Variants in RASD2 observed in about 807,000 individuals in gnomAD.
RASD2 encodes the protein RASD family member 2, also known as GTP-binding protein Rhes.
RASD2 carries 7 observed loss-of-function variants against 15.8 expected under a neutral mutation model. The observed-to-expected ratio is 0.44, with a 90% CI of 0.25 to 0.83. RASD2 has a LOEUF of 0.83. Among genes scored for constraint, RASD2 ranks in the 40% least tolerant of loss-of-function variants. RASD2 has a pLI of 0.20. For synonymous variants in RASD2, 155 were observed against 153.6 expected (o/e 1.01, Z -0.07); for missense variants, 274 against 382.8 (o/e 0.72, Z 2.37).
At chr22:35,543,696 C>T (rs930170184) in intron 1 of RASD2, among the ~76,000 whole-genome samples, 4 of 152,208 alleles carry the variant, frequency 2.6e-5, no homozygotes, top group African/African-American at 9.6e-5. Context: ...TGTGAAGAAT[C>T]AGTCTTCTCT....
intron 2 of RASD2, among the ~76,000 whole-genome samples, chr22:35,549,618 A>C (rs1372105060): frequency 6.6e-6 from 1 of 152,132 alleles, no homozygotes; most frequent in Non-Finnish European, 1.5e-5. Flanking sequence ...AAGAGCCCAC[A>C]CTGCAGTTCC....
chr22:35,537,877 A>G (rs1934265437), upstream of RASD2, among the ~76,000 whole-genome samples: 3 of 150,516 alleles, frequency 2.0e-5, no homozygotes, highest in African/African-American at 7.5e-5. Flanking sequence ...AGTGCAGGGC[A>G]TGGTGGGAAT....
At chr22:35,544,793 T>C (rs1435829801) in intron 1 of RASD2, among the ~76,000 whole-genome samples, 1 of 152,194 alleles carries the variant, frequency 6.6e-6, no homozygotes, top group Non-Finnish European at 1.5e-5. Flanking sequence ...ATTTAACCTC[T>C]CTGTGCCTCA....
At chr22:35,548,953 C>A (rs867946459) in intron 2 of RASD2, among the ~76,000 whole-genome samples, 2 of 152,328 alleles carry the variant, frequency 1.3e-5, no homozygotes, top group Middle Eastern at 3.4e-3. Flanking sequence ...TCAGCTCCCC[C>A]AGCCTTGGGG....
rs141040934 is a variant in RASD2, at chr22:35,545,056, C to A, written c.-9-1745C>A. 2.6e-4 allele frequency among the ~76,000 whole-genome samples: 40 copies of A among 152,294 alleles called. 1 individual carries two copies. Among genetic ancestry groups the A allele is most frequent in the Middle Eastern group, 3.4e-3 (1 of 294 alleles). ...GCTGAGCTGGCTTATTGTGCACGTC[C>A]CTTTGTGATTCATTCATCGAAGTCA... On this transcript the variant is annotated intron_variant, in intron 1 of 2. Coordinates refer to ENST00000216127, the MANE Select transcript of RASD2 (RefSeq NM_014310.4).
chr22:35,545,604 G>A (rs1034192015), intron 1 of RASD2, among the ~76,000 whole-genome samples: 3 of 152,108 alleles, frequency 2.0e-5, no homozygotes, highest in Non-Finnish European at 2.9e-5. Context: ...GCAGTTCAGG[G>A]GCTGGAAAGC....
chr22:35,533,867 G>GATGATAGTGATGAT, the RASD2 span, among the ~76,000 whole-genome samples: 1 of 125,772 alleles, frequency 8.0e-6, no homozygotes, highest in Non-Finnish European at 1.7e-5. Flanking sequence ...CAGTGATGAT[G>GATGATAGTGATGAT]GTGATGGTGA....
chr22:35,552,384 C>A lies in RASD2; in HGVS notation c.*352C>A. 3.5e-6 allele frequency: 1 copy of A among 284,046 alleles called. No homozygotes were observed. 17.6% of individuals were successfully genotyped at this position (284,046 alleles called of 1,614,324 possible). ...CTGCGTCATATGGAGCCTCCTGGGA[C>A]AAGCCTCAGGATGAAAAGGACACAG... On this transcript the variant is annotated 3_prime_UTR_variant, in exon 3 of 3. Coordinates refer to ENST00000216127, the MANE Select transcript of RASD2 (RefSeq NM_014310.4).
At chr22:35,544,558 AT>A (rs1934446069) in intron 1 of RASD2, among the ~76,000 whole-genome samples, 1 of 152,208 alleles carries the variant, frequency 6.6e-6, no homozygotes, top group Non-Finnish European at 1.5e-5. Context: ...CAGACCCTTT[AT>A]TGAGCCCCTG....
Position 35,541,064 on chromosome 22 carries a change from A to AC in RASD2, c.-439dup, listed in dbSNP as rs1034379292. On this transcript the variant is annotated 5_prime_UTR_variant, in exon 1 of 3. Transcript: ENST00000216127. ...ACGCACCCACAGTCACCTCCAAAGG[A>AC]CCCCCCCTCCCCAAGTCTCTAGGAG... 12 of 149,360 alleles carry AC rather than the reference A, an allele frequency of 8.0e-5. No individual in the cohort carries two copies. Among genetic ancestry groups the AC allele is most frequent in the South Asian group, 4.3e-4 (2 of 4,654 alleles). The allele number at this position is 149,360 out of a possible 1,614,324, so 9.3% of individuals were successfully genotyped here. A position where few individuals can be genotyped will look rare whatever the true frequency, so the allele number is the denominator to read the frequency against.
intron 1 of RASD2, among the ~76,000 whole-genome samples, chr22:35,546,133 C>T (rs1032731664): frequency 3.9e-5 from 6 of 152,110 alleles, no homozygotes; most frequent in South Asian, 2.1e-4. Context: ...GGTCATGGAG[C>T]GGAGGGAGCC....
intron 1 of RASD2, among the ~76,000 whole-genome samples, chr22:35,543,972 C>G (rs1330050556): frequency 6.6e-6 from 1 of 151,218 alleles, no homozygotes; most frequent in Non-Finnish European, 1.5e-5. Context: ...GATTCCCTGC[C>G]TCTTTGACCC....
chr22:35,549,267 T>C (rs537710257), intron 2 of RASD2, among the ~76,000 whole-genome samples: 2 of 152,366 alleles, frequency 1.3e-5, no homozygotes, highest in East Asian at 3.9e-4. Context: ...TATTTTTGTC[T>C]GTCTCTTTTT....
chr22:35,551,772 G>A lies in RASD2; in HGVS notation c.541G>A (p.Glu181Lys), dbSNP rs1032458591. ...GGCCAAGAAGAACACCAACGTGGAC[G>A]AGATGTTCTACGTGCTCTTCAGCAT... is the stretch of plus-strand genomic sequence containing the variant. ...VSAKKNTNVD[E>K]MFYVLFSMAK... The change falls in exon 3 of 3, where the codon GAG (glutamate) becomes AAG (lysine). Residue 181 changes from glutamate (E) to lysine (K), a missense_variant. Physicochemically the swap from Glu to Lys is moderately conservative, Grantham distance 56. Coordinates refer to ENST00000216127, the MANE Select transcript of RASD2 (RefSeq NM_014310.4). The surrounding 1 kb of genome is among the most constrained non-coding windows in gnomAD (Gnocchi z 4.9). 18 of 1,614,012 alleles carry A rather than the reference G, an allele frequency of 1.1e-5. No homozygotes were observed. The highest frequency in any genetic ancestry group is 1.7e-5 in the Admixed American group (1 of 59,988).
At chr22:35,537,614 C>A (rs557511528), upstream of RASD2, among the ~76,000 whole-genome samples, 3 of 152,304 alleles carry the variant, frequency 2.0e-5, no homozygotes, top group Admixed American at 2.0e-4. Context: ...GACCAGTTAC[C>A]CACAGCACAA....
At chr22:35,546,743 G>C in intron 1 of RASD2, 58 bp from the exon 2 acceptor site, 1 of 1,570,180 alleles carries the variant, frequency 6.4e-7, no homozygotes, top group South Asian at 1.2e-5. Flanking sequence ...AGGAGGCCAA[G>C]AGGTGGTGGG....
At chr22:35,538,849 T>C (rs1275154793), upstream of RASD2, among the ~76,000 whole-genome samples, 1 of 152,186 alleles carries the variant, frequency 6.6e-6, no homozygotes, top group African/African-American at 2.4e-5. Flanking sequence ...ACTGCCAAGT[T>C]CACTGCCAGC....
chr22:35,535,191 C>A, the RASD2 span, among the ~76,000 whole-genome samples: 1 of 152,040 alleles, frequency 6.6e-6, no homozygotes, highest in South Asian at 2.1e-4. Flanking sequence ...CTCGCTTGAG[C>A]CCAGGAGTTT....
chr22:35,542,979 A>T (rs141203995), intron 1 of RASD2, among the ~76,000 whole-genome samples: 1 of 152,240 alleles, frequency 6.6e-6, no homozygotes, highest in Non-Finnish European at 1.5e-5. Context: ...CTTCACTGAG[A>T]CAGACAGTGT....
Sources: gnomAD v4.1 joint callset for allele counts (sites outside exome capture counted in the v4.1 genomes callset) on GRCh38, gnomAD v4.1.1 for gene constraint, Gnocchi (gnomAD v3.1) non-coding constraint, MANE v1.5 for transcripts, NCBI Gene and HGNC (gene_info 2026-07-23, HGNC 2026-07-21) for gene names.